PAPPA2: variants seen among roughly 807,000 people sequenced by gnomAD.
PAPPA2 encodes pappalysin 2, also known as pappalysin-2.
In PAPPA2, 86 loss-of-function variants were observed where a neutral mutation model predicts 176.4. The ratio of observed to expected loss-of-function variants is 0.49; its 90% confidence interval spans 0.41 to 0.58. The LOEUF is 0.58. PAPPA2 is among the 20% of genes least tolerant of loss of function. The pLI, the probability that PAPPA2 is intolerant of heterozygous loss-of-function variation, is 0.00. For synonymous variants in PAPPA2, 809 were observed against 852.2 expected, an observed-to-expected ratio of 0.95 and a Z score of 0.88; for missense variants, 2,073 against 2,256.9, an observed-to-expected ratio of 0.92 and a Z score of 1.65.
At chr1:176,774,770 G>GA (rs56810854) in intron 17 of PAPPA2, among the ~76,000 whole-genome samples, 36,033 of 152,008 alleles carry the variant, frequency 0.24, 5,150 homozygotes, top group African/African-American at 0.39. Flanking sequence ...TATTTAAGGG[G>GA]AAAAGTTGAA....
At chr1:176,783,266 A>AG (rs1328626473) in intron 17 of PAPPA2, among the ~76,000 whole-genome samples, 1 of 152,204 alleles carries the variant, frequency 6.6e-6, no homozygotes. Flanking sequence ...ATTATTCCTG[A>AG]GGGAGTACCC....
At chr1:176,710,233 C>A in intron 11 of PAPPA2, 57 bp downstream of exon 11, 1 of 1,463,124 alleles carries the variant, frequency 6.8e-7, no homozygotes. Flanking sequence ...AGTGACTCCC[C>A]CTATGCTTAC....
chr1:176,594,171 G>A (rs1211886006), intron 2 of PAPPA2, among the ~76,000 whole-genome samples: 1 of 152,216 alleles, frequency 6.6e-6, no homozygotes, highest in Non-Finnish European at 1.5e-5. Flanking sequence ...GTGAGGAAAG[G>A]CATGGACTTA....
chr1:176,614,213 CT>C (rs1655086456), intron 3 of PAPPA2, among the ~76,000 whole-genome samples: 1 of 151,780 alleles, frequency 6.6e-6, no homozygotes, highest in African/African-American at 2.4e-5. Flanking sequence ...GGCACTTTGT[CT>C]TTCTTTTCTT....
At chr1:176,734,324 T>C (rs1206648438) in intron 12 of PAPPA2, among the ~76,000 whole-genome samples, 1 of 151,970 alleles carries the variant, frequency 6.6e-6, no homozygotes, top group East Asian at 1.9e-4. Flanking sequence ...TGTCTACCCC[T>C]AGTTCGGGTG....
At chr1:176,650,974 A>C (rs190467011) in intron 3 of PAPPA2, among the ~76,000 whole-genome samples, 1 of 151,764 alleles carries the variant, frequency 6.6e-6, no homozygotes, top group Non-Finnish European at 1.5e-5. Flanking sequence ...AAAATAATAC[A>C]AAGAAATAAA....
intron 2 of PAPPA2, among the ~76,000 whole-genome samples, chr1:176,560,060 T>C (rs190632973): frequency 2.0e-5 from 3 of 152,316 alleles, no homozygotes; most frequent in Admixed American, 6.5e-5. Context: ...GGAATGTCTC[T>C]GATTTCTTGG....
chr1:176,754,648 T>C (rs945946645), intron 14 of PAPPA2, among the ~76,000 whole-genome samples: 4 of 152,242 alleles, frequency 2.6e-5, no homozygotes, highest in Non-Finnish European at 5.9e-5. Context: ...GAAAAAGTAG[T>C]ATTGAAAAGA....
chr1:176,737,932 G>T (rs1662492990), intron 12 of PAPPA2, among the ~76,000 whole-genome samples: 1 of 152,092 alleles, frequency 6.6e-6, no homozygotes, highest in African/African-American at 2.4e-5. Flanking sequence ...TACTCTTCAT[G>T]CCTGAGTCCT....
At chr1:176,565,266 A>G (rs1489375942) in intron 2 of PAPPA2, among the ~76,000 whole-genome samples, 1 of 152,164 alleles carries the variant, frequency 6.6e-6, no homozygotes, top group Non-Finnish European at 1.5e-5. Context: ...TTAGATACCT[A>G]GGAGTGGAAT....
intron 12 of PAPPA2, among the ~76,000 whole-genome samples, chr1:176,733,202 T>C (rs1325538526): frequency 6.6e-6 from 1 of 152,186 alleles, no homozygotes; most frequent in Non-Finnish European, 1.5e-5. Flanking sequence ...AATTTCAGGA[T>C]TCTCTACTTG....
chr1:176,560,645 G>A (rs1047874927), intron 2 of PAPPA2, among the ~76,000 whole-genome samples: 3 of 152,214 alleles, frequency 2.0e-5, no homozygotes, highest in Admixed American at 2.0e-4. Flanking sequence ...TTGGAACTGA[G>A]AACTGGACGT....
chr1:176,761,282 C>T (rs576980111), intron 14 of PAPPA2, among the ~76,000 whole-genome samples: 96 of 152,238 alleles, frequency 6.3e-4, no homozygotes, highest in Admixed American at 9.2e-4. Flanking sequence ...TGACTTAAAC[C>T]TCCCTTGTGA....
chr1:176,616,806 A>C, intron 3 of PAPPA2: 1 of 773,356 alleles, frequency 1.3e-6, no homozygotes, highest in Non-Finnish European at 2.2e-6. Flanking sequence ...TTAGTTAAAA[A>C]ATACTCAATA....
intron 17 of PAPPA2, among the ~76,000 whole-genome samples, chr1:176,774,246 G>A (rs999045800): frequency 2.6e-5 from 4 of 151,912 alleles, no homozygotes; most frequent in Non-Finnish European, 5.9e-5. Context: ...TCACCCTGTA[G>A]CCTCAGTTAC....
Position 176,770,985 on chromosome 1 carries a change from C to T in PAPPA2, c.4520C>T (p.Thr1507Ile), listed in dbSNP as rs1269893839. The change falls in exon 17 of 23, where the codon ACA becomes ATA. Residue 1507 changes from threonine to isoleucine, a missense_variant. Coordinates refer to ENST00000367662, the MANE Select transcript of PAPPA2 (RefSeq NM_020318.3). ...AKLQGLSPWL[T>I]CLEDGLWSLP... ...GAGTCAGGACTGAGCCCATGGCTGA[C>T]ATGTCTTGAAGATGGTCTCTGGTCT... 5.0e-6 allele frequency: 8 copies of T among 1,614,076 alleles called. No homozygotes were observed. The highest frequency in any genetic ancestry group is 5.9e-6 in the Non-Finnish European group (7 of 1,180,014).
At chr1:176,775,102 G>A (rs1268171453) in intron 17 of PAPPA2, among the ~76,000 whole-genome samples, 1 of 152,076 alleles carries the variant, frequency 6.6e-6, no homozygotes, top group Non-Finnish European at 1.5e-5. Context: ...CCTCTCATAG[G>A]CTGCCATTGT....
chr1:176,603,069 T>C (rs2102664504), intron 3 of PAPPA2, among the ~76,000 whole-genome samples: 1 of 152,334 alleles, frequency 6.6e-6, no homozygotes, highest in South Asian at 2.1e-4. Context: ...ATAGACAGAC[T>C]TGTGAGTGAG....
At chr1:176,672,720 A>G (rs552744769) in intron 4 of PAPPA2, among the ~76,000 whole-genome samples, 2 of 152,330 alleles carry the variant, frequency 1.3e-5, no homozygotes, top group South Asian at 4.1e-4. Flanking sequence ...ATACACATAT[A>G]TGCATAACAA....
Sources: allele counts gnomAD v4.1 joint callset (sites outside exome capture counted in the v4.1 genomes callset), GRCh38; gene constraint gnomAD v4.1.1; transcripts MANE v1.5; gene names NCBI Gene and HGNC (gene_info 2026-07-23, HGNC 2026-07-21).